SEC63: variants seen among roughly 807,000 people sequenced by gnomAD.
The protein encoded by SEC63 is translocation protein SEC63 homolog.
A neutral mutation model predicts 116.2 loss-of-function variants in SEC63; 56 were observed. That is an observed-to-expected ratio of 0.48 (90% CI 0.39 to 0.60). The LOEUF (loss-of-function observed/expected upper bound fraction) is 0.60, where lower values mean the gene tolerates loss of function less well. SEC63 is among the 20% of genes least tolerant of loss of function. The pLI is 0.00. For missense variants in SEC63, 668 were observed against 900.0 expected, an observed-to-expected ratio of 0.74 and a Z score of 3.30; for synonymous variants, 273 against 294.6, an observed-to-expected ratio of 0.93 and a Z score of 0.75.
At chr6:107,896,688 A>G (rs1281820936) in intron 14 of SEC63, among the ~76,000 whole-genome samples, 8 of 152,130 alleles carry the variant, frequency 5.3e-5, no homozygotes, top group African/African-American at 1.9e-4. Flanking sequence ...AAAGAAAATG[A>G]GAGAGACGGG....
intron 13 of SEC63, among the ~76,000 whole-genome samples, chr6:107,898,503 A>G (rs1455520982): frequency 6.6e-6 from 1 of 152,186 alleles, no homozygotes; most frequent in Non-Finnish European, 1.5e-5. Flanking sequence ...AAAAATAATG[A>G]AAGCTAGTAT....
chr6:107,911,048 T>A, intron 7 of SEC63: 1 of 364,646 alleles, frequency 2.7e-6, no homozygotes, highest in Non-Finnish European at 5.1e-6. Context: ...GATATACACA[T>A]CATGCTCAAG....
chr6:107,908,067 T>C (rs1316569279), intron 8 of SEC63, among the ~76,000 whole-genome samples: 4 of 152,230 alleles, frequency 2.6e-5, no homozygotes, highest in African/African-American at 9.6e-5. Flanking sequence ...AAATGTAAAA[T>C]CTGTTCACAC....
At chr6:107,921,391 G>GTAA (rs1459847698) in intron 4 of SEC63, among the ~76,000 whole-genome samples, 1 of 151,804 alleles carries the variant, frequency 6.6e-6, no homozygotes, top group African/African-American at 2.4e-5. Context: ...TCAACATGAA[G>GTAA]TAAGCACTTG....
intron 16 of SEC63, among the ~76,000 whole-genome samples, chr6:107,888,269 G>A (rs1314408851): frequency 2.6e-5 from 4 of 152,040 alleles, no homozygotes; most frequent in Non-Finnish European, 2.9e-5. Context: ...TCATTTCCTT[G>A]AGCAGTGGTT....
At chr6:107,901,743 T>A (rs1172731572) in intron 12 of SEC63, among the ~76,000 whole-genome samples, 3 of 152,048 alleles carry the variant, frequency 2.0e-5, no homozygotes, top group African/African-American at 7.2e-5. Context: ...ACAGGCTTAT[T>A]TTTTTAAATT....
At chr6:107,957,166 C>T (rs2114529264) in intron 1 of SEC63, 1 of 152,296 alleles carries the variant, frequency 6.6e-6, no homozygotes, top group African/African-American at 2.4e-5. Context: ...AGTAAATCGA[C>T]CCACTACCTC....
At chr6:107,922,753 A>G (rs956336682) in intron 3 of SEC63, among the ~76,000 whole-genome samples, 1 of 152,194 alleles carries the variant, frequency 6.6e-6, no homozygotes, top group South Asian at 2.1e-4. Flanking sequence ...GATCAATGCA[A>G]TAAGAAAAAA....
At chr6:107,906,933 A>G (rs908785959) in intron 8 of SEC63, among the ~76,000 whole-genome samples, 156 bp from the exon 9 acceptor site, 1 of 152,226 alleles carries the variant, frequency 6.6e-6, no homozygotes, top group South Asian at 2.1e-4. Context: ...TATTTCTTCC[A>G]TAAAAAAAGT....
At chr6:107,954,653 T>C (rs1770672155) in intron 1 of SEC63, 1 of 152,214 alleles carries the variant, frequency 6.6e-6, no homozygotes, top group Non-Finnish European at 1.5e-5. Context: ...CTCCTGTCAG[T>C]ACAAGTCGGC....
At chr6:107,878,624 G>C (rs1379246758) in intron 18 of SEC63, among the ~76,000 whole-genome samples, 1 of 152,214 alleles carries the variant, frequency 6.6e-6, no homozygotes, top group Non-Finnish European at 1.5e-5. Flanking sequence ...GGGAGGCCAA[G>C]GCGGGTGGAT....
chr6:107,934,262 G>A (rs562567781), intron 1 of SEC63, among the ~76,000 whole-genome samples: 4 of 148,806 alleles, frequency 2.7e-5, no homozygotes, highest in South Asian at 2.2e-4. Flanking sequence ...CCGCCATCCC[G>A]TCTAGGAAGT....
intron 1 of SEC63, among the ~76,000 whole-genome samples, chr6:107,937,107 A>G (rs2206192): frequency 0.87 from 129,664 of 148,986 alleles, 56,611 homozygotes; most frequent in Middle Eastern, 0.92. Flanking sequence ...AGTATTCTAC[A>G]GTGTATATGT....
At chr6:107,925,423 T>G (rs1305843789) in intron 2 of SEC63, among the ~76,000 whole-genome samples, 2 of 152,114 alleles carry the variant, frequency 1.3e-5, no homozygotes, top group African/African-American at 4.8e-5. Context: ...ACTGATTAAA[T>G]AAACTATTTA....
chr6:107,889,697 T>G (rs181876382), intron 16 of SEC63, among the ~76,000 whole-genome samples: 1 of 152,352 alleles, frequency 6.6e-6, no homozygotes, highest in Admixed American at 6.5e-5. Context: ...AGATCTTTCC[T>G]GCTTTCTCTT....
At position 107,893,664 on chromosome 6, in the gene SEC63, C is replaced by A; in HGVS notation, c.1501-9G>T. The A allele has an allele frequency of 6.2e-7, 1 of 1,613,726 alleles. No individual in the cohort carries two copies. Among genetic ancestry groups the A allele is most frequent in the East Asian group, 2.2e-5 (1 of 44,858 alleles). ...TTGTTAGTTTCACCCTGCTGTGAAT[C>A]ATAACACGTCACACTCTTAAGTTAT... On this transcript the variant is annotated splice_polypyrimidine_tract_variant and intron_variant, in intron 15 of 20. Transcript: ENST00000369002.
chr6:107,953,825 C>CCCAT (rs1219056757), intron 1 of SEC63, among the ~76,000 whole-genome samples: 1 of 142,764 alleles, frequency 7.0e-6, no homozygotes, highest in African/African-American at 2.7e-5. Flanking sequence ...GGCCAGCCGC[C>CCCAT]CCGTCCGGGA....
chr6:107,951,809 T>C (rs1770584945), intron 1 of SEC63, among the ~76,000 whole-genome samples: 1 of 151,782 alleles, frequency 6.6e-6, no homozygotes, highest in Non-Finnish European at 1.5e-5. Flanking sequence ...CCGTCTCTAC[T>C]AAAAATACAA....
At chr6:107,874,454 G>GC (rs1562311432) in intron 19 of SEC63, among the ~76,000 whole-genome samples, 2 of 151,864 alleles carry the variant, frequency 1.3e-5, no homozygotes, top group Non-Finnish European at 2.9e-5. Flanking sequence ...AAATTAGCTG[G>GC]GTGCAGTGGC....
Sources: gnomAD v4.1 joint callset for allele counts (sites outside exome capture counted in the v4.1 genomes callset) on GRCh38, gnomAD v4.1.1 for gene constraint, MANE v1.5 for transcripts, NCBI Gene and HGNC (gene_info 2026-07-23, HGNC 2026-07-21) for gene names.